The following CEP120 variants were observed in gnomAD, a reference collection of about 807,000 sequenced individuals.
CEP120 encodes the protein centrosomal protein of 120 kDa.
Under a neutral mutation model 126.5 loss-of-function variants are expected in CEP120, and 113 were observed. The ratio of observed to expected loss-of-function variants is 0.89; its 90% CI spans 0.77 to 1.04. CEP120 has a LOEUF of 1.04. Among genes scored for constraint, CEP120 ranks in the 50% least tolerant of loss-of-function variants. The pLI is 0.00. For synonymous variants in CEP120, 400 were observed against 394.3 expected, an observed-to-expected ratio of 1.01 and a Z score of -0.17; for missense variants, 1,230 against 1,155.7, an observed-to-expected ratio of 1.06 and a Z score of -0.93.
At chr5:123,366,226 A>G (rs1341502568) in intron 17 of CEP120, among the ~76,000 whole-genome samples, 1 of 151,816 alleles carries the variant, frequency 6.6e-6, no homozygotes, top group African/African-American at 2.4e-5. Flanking sequence ...CAGAAAAAAT[A>G]TACACAACTA....
At chr5:123,375,121 TAC>T (rs1006261421) in intron 16 of CEP120, among the ~76,000 whole-genome samples, 5 of 152,080 alleles carry the variant, frequency 3.3e-5, no homozygotes, top group Non-Finnish European at 5.9e-5. Flanking sequence ...GTGAAATGTA[TAC>T]AGTCATGGAC....
At chr5:123,397,651 T>C (rs1580711363) in intron 5 of CEP120, among the ~76,000 whole-genome samples, 1 of 152,242 alleles carries the variant, frequency 6.6e-6, no homozygotes, top group African/African-American at 2.4e-5. Flanking sequence ...ATAGTGGGGA[T>C]GAATTCAGTG....
chr5:123,348,109 G>A (rs1176552500), intron 19 of CEP120, among the ~76,000 whole-genome samples: 1 of 152,124 alleles, frequency 6.6e-6, no homozygotes, highest in Non-Finnish European at 1.5e-5. Flanking sequence ...TAGAGGCCAC[G>A]TAAGTTCTCC....
chr5:123,368,617 CACT>C (rs1016766734), intron 17 of CEP120, among the ~76,000 whole-genome samples: 1 of 151,950 alleles, frequency 6.6e-6, no homozygotes, highest in Non-Finnish European at 1.5e-5. Context: ...AGTTCAGAAA[CACT>C]ACATGAAAAA....
At chr5:123,404,167 A>G (rs1773486210) in intron 4 of CEP120, among the ~76,000 whole-genome samples, 1 of 152,088 alleles carries the variant, frequency 6.6e-6, no homozygotes, top group South Asian at 2.1e-4. Context: ...ATTCTTCTTC[A>G]TATTTCCAAC....
intron 4 of CEP120, among the ~76,000 whole-genome samples, chr5:123,411,177 C>T (rs6595446): frequency 6.6e-6 from 1 of 151,938 alleles, no homozygotes; most frequent in African/African-American, 2.4e-5. Context: ...ACACTAACAC[C>T]ACCAAATTCT....
At chr5:123,415,814 G>C (rs997398506) in intron 3 of CEP120, among the ~76,000 whole-genome samples, 196 bp downstream of exon 3, 4 of 152,086 alleles carry the variant, frequency 2.6e-5, no homozygotes, top group Admixed American at 6.5e-5. Flanking sequence ...GGAGGTTGCA[G>C]TGAGCCAAGA....
chr5:123,418,227 T>TAC, intron 2 of CEP120, 132 bp downstream of exon 2: 1 of 755,408 alleles, frequency 1.3e-6, no homozygotes, highest in Non-Finnish European at 2.0e-6. Context: ...CAAGGTATCT[T>TAC]TGATTATGCA....
At chr5:123,409,253 A>G (rs1773884303) in intron 4 of CEP120, among the ~76,000 whole-genome samples, 1 of 152,222 alleles carries the variant, frequency 6.6e-6, no homozygotes, top group African/African-American at 2.4e-5. Context: ...AAAACTCTCA[A>G]TAAACCAGAA....
chr5:123,346,128 A>C lies in CEP120; in HGVS notation c.*391T>G, dbSNP rs1768798249. 6.0e-6 allele frequency: 1 copy of C among 166,460 alleles called. No homozygotes were observed. Among genetic ancestry groups the C allele is most frequent in the Non-Finnish European group, 1.3e-5 (1 of 76,756 alleles). The allele number at this position is 166,460 out of a possible 1,614,324, so 10.3% of individuals were successfully genotyped here. ...CTTTTAAGAATTTACATTCAAATGG[A>C]ATAGGACGCAGCGTTTTTAAAGTGC... is the stretch of plus-strand genomic sequence containing the variant. On this transcript the variant is annotated 3_prime_UTR_variant, in exon 20 of 20. Transcript: ENST00000306467.
chr5:123,405,703 A>T (rs1773597719), intron 4 of CEP120, among the ~76,000 whole-genome samples: 1 of 152,034 alleles, frequency 6.6e-6, no homozygotes, highest in Admixed American at 6.5e-5. Flanking sequence ...AGGCTATAGA[A>T]TGCTTCCCCT....
At position 123,418,404 on chromosome 5, in the gene CEP120, G is replaced by A. The variant is rs752424080; in HGVS notation, c.161C>T (p.Thr54Ile). 6.2e-7 allele frequency: 1 copy of A among 1,611,570 alleles called. No individual in the cohort carries two copies. Among genetic ancestry groups the A allele is most frequent in the Admixed American group, 1.7e-5 (1 of 59,844 alleles). Residue 54 changes from threonine (T) to isoleucine (I), a missense_variant, in exon 2 of 20, where the codon ACT becomes ATT. By Grantham distance (89) the Thr-to-Ile change is moderately conservative (BLOSUM62 -1). Coordinates refer to ENST00000306467, the MANE Select transcript of CEP120 (RefSeq NM_001375405.1). ...VDHTDQPEFA[T>I]ELAWEIDRKA... ...CCTGTCAATTTCCCAAGCTAACTCA[G>A]TAGCAAATTCTGGCTGGTCAGTGTG...
chr5:123,378,440 TAAA>T lies in CEP120; in HGVS notation c.2104-15_2104-13del, dbSNP rs76942218. The T allele has an allele frequency of 1.3e-3, 1,336 of 1,059,726 alleles. No individual in the cohort carries two copies. Among genetic ancestry groups the T allele is most frequent in the South Asian group, 2.3e-3 (116 of 50,062 alleles). The allele number at this position is 1,059,726 out of a possible 1,614,324, so 65.6% of individuals were successfully genotyped here. A position where few individuals can be genotyped will look rare whatever the true frequency, so the allele number is the denominator to read the frequency against. On this transcript the variant is annotated splice_polypyrimidine_tract_variant and intron_variant, in intron 14 of 19. Coordinates refer to ENST00000306467, the MANE Select transcript of CEP120 (RefSeq NM_001375405.1). ...GTATATTCAGCCACCTAAAATATAG[TAAA>T]AAAAAAAAAAAAAAAGTTACCTACC...
chr5:123,422,431 G>T (rs769951951), intron 1 of CEP120: 1 of 1,287,058 alleles, frequency 7.8e-7, no homozygotes, highest in South Asian at 1.3e-5. Flanking sequence ...CACTCAATGA[G>T]TCCCAATAAA....
rs1249847160 is a variant in CEP120, at chr5:123,384,972, A to G, written c.1742T>C (p.Val581Ala). The G allele has an allele frequency of 1.2e-6, 2 of 1,610,938 alleles. No homozygotes were observed. Among genetic ancestry groups the G allele is most frequent in the Non-Finnish European group, 1.7e-6 (2 of 1,178,874 alleles). ...QCWRQTYSES[V>A]PVIAAQGSNN... ...TTACCCTTGTGCTGCTATAACAGGCACACTTTCACTGTAAGTTTGACGCCA... is the reference window on the plus strand; with the variant it reads ...TTACCCTTGTGCTGCTATAACAGGCGCACTTTCACTGTAAGTTTGACGCCA... Residue 581 changes from valine to alanine, a missense_variant, in exon 11 of 20, where the codon GTG (valine) becomes GCG (alanine). Val to Ala is a moderately conservative substitution (Grantham distance 64). Coordinates refer to ENST00000306467, the MANE Select transcript of CEP120 (RefSeq NM_001375405.1).
At position 123,346,551 on chromosome 5, in the gene CEP120, CTCTGA is replaced by C. The variant is rs1174229406; in HGVS notation, c.2924_2928del (p.Ile975ArgfsTer10). 1 of 1,613,036 alleles carries C rather than the reference CTCTGA, an allele frequency of 6.2e-7. No homozygotes were observed. The highest frequency in any genetic ancestry group is 8.5e-7 in the Non-Finnish European group (1 of 1,179,728). On this transcript the variant is annotated frameshift_variant, in exon 20 of 20. Coordinates refer to ENST00000306467, the MANE Select transcript of CEP120 (RefSeq NM_001375405.1). LOFTEE classifies it high-confidence loss of function. ...CTGGCATTGCTTTTTGCCAAAATCT[CTCTGA>C]TCTGTCGGTCGAGTTCACTTATTAT...
chr5:123,414,971 CAAAAAAAAAAAAAAA>C (rs56756568), intron 3 of CEP120, among the ~76,000 whole-genome samples: 7 of 40,636 alleles, frequency 1.7e-4, no homozygotes, highest in African/African-American at 2.3e-4. Context: ...GACTCCATCT[CAAAAAAAAAAAAAAA>C]AAAAAAAAAA....
At chr5:123,389,875 CAAA>C (rs749733273) in intron 8 of CEP120, 46 bp downstream of exon 8, 6 of 1,498,526 alleles carry the variant, frequency 4.0e-6, no homozygotes, top group Non-Finnish European at 5.5e-6. Flanking sequence ...TAGATGGCTG[CAAA>C]ATGCAATACC....
intron 1 of CEP120, among the ~76,000 whole-genome samples, chr5:123,420,726 C>T (rs567221226): frequency 2.6e-5 from 4 of 152,328 alleles, no homozygotes; most frequent in South Asian, 2.1e-4. Context: ...AATCAGACTA[C>T]TGAAAAGATT....
Sources: allele counts gnomAD v4.1 joint callset (sites outside exome capture counted in the v4.1 genomes callset), GRCh38; gene constraint gnomAD v4.1.1; transcripts MANE v1.5; gene names NCBI Gene and HGNC (gene_info 2026-07-23, HGNC 2026-07-21).